SLC9C2: variants seen among roughly 807,000 people sequenced by gnomAD.
SLC9C2 encodes the protein sodium/hydrogen exchanger 11.
SLC9C2 carries 75 observed loss-of-function variants against 140.2 expected under a neutral mutation model. The ratio of observed to expected loss-of-function variants is 0.53; its 90% CI spans 0.44 to 0.65. The LOEUF is 0.65. Ranked by LOEUF, SLC9C2 falls within the 30% of genes least tolerant of loss-of-function variation. The pLI, the probability that SLC9C2 is intolerant of heterozygous loss-of-function variation, is 0.00. For missense variants in SLC9C2, 1,074 were observed against 1,331.8 expected (o/e 0.81, Z 3.01); for synonymous variants, 375 against 420.9 (o/e 0.89, Z 1.34).
intron 13 of SLC9C2, among the ~76,000 whole-genome samples, chr1:173,541,041 A>G (rs552805667): frequency 1.3e-5 from 2 of 152,350 alleles, no homozygotes; most frequent in African/African-American, 2.4e-5. Context: ...AAATGCCCCA[A>G]TTAAAAGACA....
At chr1:173,594,584 G>A (rs2102263420) in intron 4 of SLC9C2, among the ~76,000 whole-genome samples, 1 of 152,180 alleles carries the variant, frequency 6.6e-6, no homozygotes, top group South Asian at 2.1e-4. Context: ...GTGTAGAGAA[G>A]CACTGGTACC....
At chr1:173,550,872 A>AAGAGAGAAAGAGAG (rs1663237996) in intron 11 of SLC9C2, among the ~76,000 whole-genome samples, 1 of 86,476 alleles carries the variant, frequency 1.2e-5, no homozygotes, top group African/African-American at 6.5e-5. Context: ...GAGCCGTTGA[A>AAGAGAGAAAGAGAG]AGAGAGAGAG....
In SLC9C2 at chr1:173,524,847, G is replaced by T. The variant is rs200464845; in HGVS notation, c.2446C>A (p.Leu816Ile). 2.4e-5 allele frequency: 38 copies of T among 1,613,912 alleles called. No homozygotes were observed. The highest frequency in any genetic ancestry group is 3.2e-5 in the Non-Finnish European group (38 of 1,179,950). ...GAACAAAGGAAGGTGAGATTTTTTA[G>T]AGCTTTAGCAATCACATTCCGGATT... is the stretch of plus-strand genomic sequence containing the variant. ...QAIRNVIAKA[L>I]KNLTFLCSRG... The change falls in exon 20 of 28, where the codon CTA (leucine) becomes ATA (isoleucine). Residue 816 changes from leucine to isoleucine, a missense_variant. Physicochemically the swap from Leu to Ile is conservative, Grantham distance 5. Transcript: ENST00000367714.
chr1:173,547,786 T>G lies in SLC9C2; in HGVS notation c.1462-2A>C, dbSNP rs1194021241. ...ATCATTATGTGAAACGTGGGAAAAC[T>G]GAACCGTATCAGATGACATTTTAAA... On this transcript the variant is annotated splice_acceptor_variant, in intron 12 of 27. Transcript: ENST00000367714. LOFTEE classifies it high-confidence loss of function. 1.9e-6 allele frequency: 3 copies of G among 1,602,870 alleles called. No homozygotes were observed. In the Admixed American group the frequency reaches 5.0e-5, roughly 27 times the overall value.
Position 173,587,600 on chromosome 1 carries a change from T to C in SLC9C2, c.523+65A>G, listed in dbSNP as rs1229317216. The C allele has an allele frequency of 4.8e-6, 7 of 1,443,868 alleles. No homozygotes were observed. In the Admixed American group the frequency reaches 1.1e-4, roughly 22 times the overall value. The allele number at this position is 1,443,868 out of a possible 1,614,324, so 89.4% of individuals were successfully genotyped here. A position where few individuals can be genotyped will look rare whatever the true frequency, so the allele number is the denominator to read the frequency against. ...GTGCACAATTCATGCAAGAAAAATATAATCAAAAGAAAATAATGTACCCTT... is the reference window on the plus strand; with the variant it reads ...GTGCACAATTCATGCAAGAAAAATACAATCAAAAGAAAATAATGTACCCTT... On this transcript the variant is annotated intron_variant, in intron 5 of 27. Transcript: ENST00000367714.
Position 173,573,270 on chromosome 1 carries a change from T to G in SLC9C2, c.958A>C (p.Ile320Leu). 6.3e-7 allele frequency: 1 copy of G among 1,578,492 alleles called. No homozygotes were observed. The highest frequency in any genetic ancestry group is 8.7e-7 in the Non-Finnish European group (1 of 1,149,166). The change falls in exon 9 of 28, where the codon ATT becomes CTT. Residue 320 changes from isoleucine to leucine, a missense_variant. Transcript: ENST00000367714. ...CTGAGTTCTCCACATCCAATCACAA[T>G]GCCAAAGAAAGCATATATTAAATGT... is the stretch of plus-strand genomic sequence containing the variant. ...YEHLIYAFFG[I>L]VIGCGELSHY...
intron 13 of SLC9C2, among the ~76,000 whole-genome samples, chr1:173,540,814 A>G (rs373594355): frequency 6.6e-6 from 1 of 152,158 alleles, no homozygotes; most frequent in East Asian, 1.9e-4. Context: ...AAAATATAGA[A>G]GCCATGGTTT....
intron 9 of SLC9C2, among the ~76,000 whole-genome samples, chr1:173,567,302 C>G (rs1019454652): frequency 6.6e-6 from 1 of 152,050 alleles, no homozygotes; most frequent in Non-Finnish European, 1.5e-5. Flanking sequence ...AGGTTTCTCT[C>G]TCTTTGGCAC....
chr1:173,592,719 T>C (rs1666234473), intron 4 of SLC9C2, among the ~76,000 whole-genome samples: 2 of 152,240 alleles, frequency 1.3e-5, no homozygotes, highest in South Asian at 4.1e-4. Flanking sequence ...CCTGCAACTT[T>C]GCTGAAGTTA....
At position 173,573,361 on chromosome 1, in the gene SLC9C2, A is replaced by G. The variant is rs754624129; in HGVS notation, c.903-36T>C. 8.8e-6 allele frequency: 12 copies of G among 1,357,976 alleles called. No homozygotes were observed. In the South Asian group the frequency reaches 1.4e-4, roughly 16 times the overall value. The allele number at this position is 1,357,976 out of a possible 1,614,324, so 84.1% of individuals were successfully genotyped here. A position where few individuals can be genotyped will look rare whatever the true frequency, so the allele number is the denominator to read the frequency against. ...TGAAATAGAAATGACATTTTAAGCA[A>G]TCATCTTAAAAATATATTTTCCTTT... is the stretch of plus-strand genomic sequence containing the variant. On this transcript the variant is annotated intron_variant, in intron 8 of 27. Coordinates refer to ENST00000367714, the MANE Select transcript of SLC9C2 (RefSeq NM_178527.4).
intron 22 of SLC9C2, among the ~76,000 whole-genome samples, chr1:173,518,910 C>T (rs1660609455): frequency 6.6e-6 from 1 of 151,942 alleles, no homozygotes; most frequent in African/African-American, 2.4e-5. Context: ...AAGGAGGCCC[C>T]CCCAAGATTC....
intron 9 of SLC9C2, among the ~76,000 whole-genome samples, chr1:173,570,321 C>A (rs1664760859): frequency 6.6e-6 from 1 of 152,058 alleles, no homozygotes; most frequent in Admixed American, 6.5e-5. Flanking sequence ...CTCTTCTGAC[C>A]CAGGGTGTGT....
chr1:173,573,384 T>C lies in SLC9C2; in HGVS notation c.903-59A>G, dbSNP rs1571591422. On this transcript the variant is annotated intron_variant, in intron 8 of 27. Coordinates refer to ENST00000367714, the MANE Select transcript of SLC9C2 (RefSeq NM_178527.4). ...CAATCATCTTAAAAATATATTTTCC[T>C]TTTCATATAAAATCATATATCTTAT... The C allele has an allele frequency of 1.1e-5, 14 of 1,246,606 alleles. No individual in the cohort carries two copies. The East Asian group carries it at 3.7e-4, about 33-fold the overall frequency. The allele number at this position is 1,246,606 out of a possible 1,614,324, so 77.2% of individuals were successfully genotyped here.
At chr1:173,516,070 C>T (rs770865495) in intron 23 of SLC9C2, among the ~76,000 whole-genome samples, 34 of 152,238 alleles carry the variant, frequency 2.2e-4, no homozygotes, top group Non-Finnish European at 3.4e-4. Context: ...TGAGGGGCAC[C>T]GAACTGATGC....
chr1:173,577,798 TA>T (rs1558084424), intron 7 of SLC9C2, among the ~76,000 whole-genome samples: 1 of 152,234 alleles, frequency 6.6e-6, no homozygotes, highest in Non-Finnish European at 1.5e-5. Context: ...CTTAGTAAAT[TA>T]ATAGTTTATT....
At chr1:173,517,759 TCAAATCATAGGAGCTCCCA>T in intron 22 of SLC9C2, 55 bp from the exon 23 acceptor site, 1 of 1,504,388 alleles carries the variant, frequency 6.6e-7, no homozygotes. Flanking sequence ...AACCCTTTGA[TCAAATCATAGGAGCTCCCA>T]CTATTTCTTA....
At chr1:173,587,267 A>G (rs1665905422) in intron 5 of SLC9C2, among the ~76,000 whole-genome samples, 1 of 152,196 alleles carries the variant, frequency 6.6e-6, no homozygotes, top group Non-Finnish European at 1.5e-5. Context: ...AACAAGAGGT[A>G]GCAAGGCCTT....
intron 26 of SLC9C2, among the ~76,000 whole-genome samples, chr1:173,503,666 A>G (rs950404700): frequency 4.6e-5 from 7 of 152,232 alleles, no homozygotes; most frequent in Non-Finnish European, 7.3e-5. Context: ...CTATTGCCAC[A>G]TACAGGAATG....
At chr1:173,581,498 C>A (rs1665526737) in intron 7 of SLC9C2, among the ~76,000 whole-genome samples, 1 of 152,080 alleles carries the variant, frequency 6.6e-6, no homozygotes, top group Admixed American at 6.5e-5. Flanking sequence ...TCTCTCCTAG[C>A]CTTCTCAGTT....
Sources: allele counts gnomAD v4.1 joint callset (sites outside exome capture counted in the v4.1 genomes callset), GRCh38; gene constraint gnomAD v4.1.1; transcripts MANE v1.5; gene names NCBI Gene and HGNC (gene_info 2026-07-23, HGNC 2026-07-21).